FBP2: variants seen among roughly 807,000 people sequenced by gnomAD.
The protein encoded by FBP2 is fructose-bisphosphatase 2.
FBP2 carries 27 observed loss-of-function variants against 31.6 expected under a neutral mutation model. The observed-to-expected ratio is 0.85, with a 90% CI of 0.63 to 1.18. The LOEUF is 1.18. Ranked by LOEUF, FBP2 falls within the 50% of genes most tolerant of loss-of-function variation. The pLI is 0.00. For missense variants in FBP2, 421 were observed against 436.1 expected, an observed-to-expected ratio of 0.97 and a Z score of 0.31; for synonymous variants, 168 against 179.8, an observed-to-expected ratio of 0.93 and a Z score of 0.53.
At chr9:94,575,313 C>T (rs1827305690) in intron 3 of FBP2, among the ~76,000 whole-genome samples, 1 of 152,140 alleles carries the variant, frequency 6.6e-6, no homozygotes, top group Non-Finnish European at 1.5e-5. Context: ...CAAAGGTAAC[C>T]TCTATTCTCA....
intron 1 of FBP2, among the ~76,000 whole-genome samples, chr9:94,592,598 G>A (rs1221203566): frequency 2.6e-5 from 4 of 152,146 alleles, no homozygotes; most frequent in African/African-American, 9.7e-5. Flanking sequence ...GCAGTGGTAC[G>A]ATCTCGACTC....
intron 6 of FBP2, among the ~76,000 whole-genome samples, chr9:94,561,510 A>C (rs770643547): frequency 2.0e-5 from 3 of 151,940 alleles, no homozygotes; most frequent in Non-Finnish European, 2.9e-5. Context: ...CCACAGGCAC[A>C]TGCCACCACG....
chr9:94,567,149 C>G (rs1461598040), intron 5 of FBP2, 121 bp downstream of exon 5: 1 of 959,382 alleles, frequency 1.0e-6, no homozygotes, highest in African/African-American at 1.6e-5. Flanking sequence ...CATCTTCATA[C>G]TGACCACAGC....
chr9:94,563,567 C>G, intron 5 of FBP2, 106 bp from the exon 6 acceptor site: 1 of 1,240,944 alleles, frequency 8.1e-7, no homozygotes, highest in East Asian at 2.4e-5. Context: ...TTCTTGAATC[C>G]CTATCCTCCA....
At chr9:94,587,888 G>A (rs111741744) in intron 1 of FBP2, among the ~76,000 whole-genome samples, 17,106 of 151,478 alleles carry the variant, frequency 0.11, 1,023 homozygotes, top group Middle Eastern at 0.17. Context: ...TTGCTCTGTC[G>A]CCCAGGCTGG....
At chr9:94,588,505 C>T (rs533667486) in intron 1 of FBP2, among the ~76,000 whole-genome samples, 2 of 152,224 alleles carry the variant, frequency 1.3e-5, no homozygotes, top group Non-Finnish European at 2.9e-5. Flanking sequence ...CACCTGTAGT[C>T]CCAGCTACTT....
At chr9:94,560,122 C>T (rs1179838561) in intron 6 of FBP2, among the ~76,000 whole-genome samples, 3 of 152,132 alleles carry the variant, frequency 2.0e-5, no homozygotes, top group Non-Finnish European at 2.9e-5. Flanking sequence ...AAGAGCCTGT[C>T]TCAAAAACGA....
chr9:94,566,749 GT>G (rs1264398608), intron 5 of FBP2, among the ~76,000 whole-genome samples: 5 of 152,172 alleles, frequency 3.3e-5, no homozygotes, highest in African/African-American at 1.2e-4. Flanking sequence ...TAAATTCCCA[GT>G]ATCTCAGTTC....
At chr9:94,560,651 GAGAA>G (rs1453439771) in intron 6 of FBP2, among the ~76,000 whole-genome samples, 4 of 150,642 alleles carry the variant, frequency 2.7e-5, no homozygotes, top group African/African-American at 7.3e-5. Flanking sequence ...AAACTACTTT[GAGAA>G]AGAGTCATAT....
chr9:94,587,554 G>A (rs1827442636), intron 1 of FBP2, 85 bp from the exon 2 acceptor site: 2 of 1,178,120 alleles, frequency 1.7e-6, no homozygotes. Context: ...CGCCAGCAGT[G>A]CAGTCCCCTC....
chr9:94,589,900 G>A (rs1159238485), intron 1 of FBP2, among the ~76,000 whole-genome samples: 1 of 152,168 alleles, frequency 6.6e-6, no homozygotes, highest in Non-Finnish European at 1.5e-5. Context: ...TAGGCTGACT[G>A]CATCTGAGTT....
chr9:94,592,534 T>C (rs1827513595), intron 1 of FBP2, among the ~76,000 whole-genome samples: 2 of 152,252 alleles, frequency 1.3e-5, no homozygotes, highest in South Asian at 2.1e-4. Flanking sequence ...GGGGTTTTGT[T>C]TGTTTGTTTG....
chr9:94,570,844 T>C (rs1827261655), intron 4 of FBP2: 1 of 150,094 alleles, frequency 6.7e-6, no homozygotes, highest in Non-Finnish European at 1.5e-5. Context: ...AGGGCTGTCA[T>C]GTGTGTTTGA....
chr9:94,584,059 A>C (rs1453331142), intron 3 of FBP2, among the ~76,000 whole-genome samples: 1 of 152,206 alleles, frequency 6.6e-6, no homozygotes, highest in Non-Finnish European at 1.5e-5. Context: ...CCCAAAAGAT[A>C]TGCCAGTCCC....
chr9:94,570,644 GA>G (rs1827258953), intron 4 of FBP2: 1 of 152,216 alleles, frequency 6.6e-6, no homozygotes, highest in South Asian at 2.1e-4. Flanking sequence ...AACATAAAGG[GA>G]AATTGGGGCA....
intron 3 of FBP2, among the ~76,000 whole-genome samples, chr9:94,575,915 T>C (rs926003004): frequency 6.6e-6 from 1 of 152,192 alleles, no homozygotes; most frequent in East Asian, 1.9e-4. Flanking sequence ...TTTCAAGATA[T>C]AACCTTGAAG....
chr9:94,572,574 A>C (rs904190202), intron 3 of FBP2, among the ~76,000 whole-genome samples: 1 of 152,140 alleles, frequency 6.6e-6, no homozygotes, highest in Non-Finnish European at 1.5e-5. Context: ...ATTTTCATTC[A>C]CGGGCTTAGT....
At chr9:94,588,991 A>C (rs989168630) in intron 1 of FBP2, among the ~76,000 whole-genome samples, 1 of 152,344 alleles carries the variant, frequency 6.6e-6, no homozygotes, top group East Asian at 1.9e-4. Context: ...TGGCTCAAGG[A>C]TCATCTCTCA....
chr9:94,564,806 C>CT (rs1235435458), intron 5 of FBP2, among the ~76,000 whole-genome samples: 4 of 151,992 alleles, frequency 2.6e-5, no homozygotes, highest in African/African-American at 9.7e-5. Context: ...ACCCCTGAAT[C>CT]TAAAATAAAA....
Sources: gnomAD v4.1 joint callset for allele counts (sites outside exome capture counted in the v4.1 genomes callset) on GRCh38, gnomAD v4.1.1 for gene constraint, MANE v1.5 for transcripts, NCBI Gene and HGNC (gene_info 2026-07-23, HGNC 2026-07-21) for gene names.